The following PEAK1 variants were observed in gnomAD, a reference collection of about 807,000 sequenced individuals.
PEAK1 encodes pseudopodium enriched atypical kinase 1.
In PEAK1, 54 loss-of-function variants were observed where a neutral mutation model predicts 124.7. The observed-to-expected ratio is 0.43, with a 90% CI of 0.35 to 0.54. PEAK1 has a LOEUF of 0.54. PEAK1 is among the 20% of genes least tolerant of loss of function. The pLI, the probability that PEAK1 is intolerant of heterozygous loss-of-function variation, is 0.01. For synonymous variants in PEAK1, 719 were observed against 760.0 expected (o/e 0.95, Z 0.89); for missense variants, 2,046 against 2,134.5 (o/e 0.96, Z 0.82).
At chr15:77,408,491 C>G (rs1378666418) in intron 1 of PEAK1, among the ~76,000 whole-genome samples, 1 of 151,830 alleles carries the variant, frequency 6.6e-6, no homozygotes, top group African/African-American at 2.4e-5. Context: ...AAGAACTTAT[C>G]TGTGTAACCA....
chr15:77,167,743 TC>T (rs1349094139), intron 7 of PEAK1, among the ~76,000 whole-genome samples: 2 of 152,114 alleles, frequency 1.3e-5, no homozygotes, highest in Non-Finnish European at 2.9e-5. Flanking sequence ...AAATTTTTTT[TC>T]TTTTTCATTA....
At chr15:77,147,474 A>G (rs1364165151) in intron 8 of PEAK1, among the ~76,000 whole-genome samples, 1 of 152,234 alleles carries the variant, frequency 6.6e-6, no homozygotes, top group Non-Finnish European at 1.5e-5. Context: ...CTATCTCATT[A>G]CATGCTCCTG....
chr15:77,296,691 GAAATA>G (rs1208413539), intron 2 of PEAK1, among the ~76,000 whole-genome samples: 6 of 151,418 alleles, frequency 4.0e-5, no homozygotes, highest in Non-Finnish European at 7.4e-5. Context: ...TCTGAAAATT[GAAATA>G]AAATAAAATA....
intron 6 of PEAK1, among the ~76,000 whole-genome samples, chr15:77,207,137 C>T (rs1033455073): frequency 5.3e-5 from 8 of 152,104 alleles, no homozygotes; most frequent in African/African-American, 1.4e-4. Flanking sequence ...AAGACTTAAA[C>T]GTTAGATCTA....
At chr15:77,388,929 C>T (rs1189146534) in intron 1 of PEAK1, among the ~76,000 whole-genome samples, 1 of 150,348 alleles carries the variant, frequency 6.7e-6, no homozygotes, top group African/African-American at 2.4e-5. Flanking sequence ...TTCTTCATAC[C>T]TTCTTTCTGC....
intron 5 of PEAK1, among the ~76,000 whole-genome samples, chr15:77,256,917 C>T (rs940217361): frequency 2.7e-5 from 4 of 150,538 alleles, no homozygotes; most frequent in Non-Finnish European, 3.0e-5. Flanking sequence ...TGATGTTCCC[C>T]TTCCTGTGTC....
chr15:77,250,214 T>C (rs1451795766), intron 6 of PEAK1, among the ~76,000 whole-genome samples: 1 of 134,568 alleles, frequency 7.4e-6, no homozygotes, highest in Non-Finnish European at 1.5e-5. Context: ...TATATATGTA[T>C]ATATATACAC....
chr15:77,248,845 G>A (rs976613161), intron 6 of PEAK1, among the ~76,000 whole-genome samples: 1 of 151,890 alleles, frequency 6.6e-6, no homozygotes, highest in Non-Finnish European at 1.5e-5. Flanking sequence ...TTATTTTTGA[G>A]ATGGAGTCTC....
intron 1 of PEAK1, among the ~76,000 whole-genome samples, chr15:77,377,334 T>C (rs1382600932): frequency 6.6e-6 from 1 of 152,170 alleles, no homozygotes; most frequent in Non-Finnish European, 1.5e-5. Context: ...CAGTGGGCAG[T>C]GATTGAGCCA....
At chr15:77,412,128 A>C (rs1212310537) in intron 1 of PEAK1, among the ~76,000 whole-genome samples, 2 of 151,956 alleles carry the variant, frequency 1.3e-5, no homozygotes, top group Non-Finnish European at 2.9e-5. Context: ...GCTCCTCCTT[A>C]TCTCTCTGAC....
At chr15:77,402,329 G>C (rs1010514215) in intron 1 of PEAK1, 1 of 985,164 alleles carries the variant, frequency 1.0e-6, no homozygotes, top group African/African-American at 1.7e-5. Flanking sequence ...AGGAGATCAA[G>C]GGAATAAATC....
intron 1 of PEAK1, among the ~76,000 whole-genome samples, chr15:77,392,996 T>C (rs2070604128): frequency 6.6e-6 from 1 of 152,118 alleles, no homozygotes; most frequent in Non-Finnish European, 1.5e-5. Context: ...GGACTTTCCA[T>C]TGGACCTCAG....
At chr15:77,417,089 C>G (rs912746935) in intron 1 of PEAK1, among the ~76,000 whole-genome samples, 1 of 152,000 alleles carries the variant, frequency 6.6e-6, no homozygotes, top group African/African-American at 2.4e-5. Context: ...ATTCTAGACA[C>G]CCTCCACCCA....
chr15:77,317,600 C>T (rs1745896873), intron 2 of PEAK1, among the ~76,000 whole-genome samples: 1 of 152,122 alleles, frequency 6.6e-6, no homozygotes, highest in Non-Finnish European at 1.5e-5. Context: ...GTTCCCAGAG[C>T]TGGTTAAAAA....
chr15:77,401,856 T>C, intron 1 of PEAK1: 1 of 985,134 alleles, frequency 1.0e-6, no homozygotes, highest in Non-Finnish European at 1.2e-6. Context: ...CTTTATTATA[T>C]TTTCTATGCT....
chr15:77,144,799 C>T (rs1252858430), intron 8 of PEAK1, among the ~76,000 whole-genome samples: 1 of 152,182 alleles, frequency 6.6e-6, no homozygotes, highest in Admixed American at 6.5e-5. Flanking sequence ...TAGTTTTTTT[C>T]CTCCAAGAAA....
chr15:77,370,726 T>C (rs1444606814), intron 1 of PEAK1: 3 of 985,012 alleles, frequency 3.0e-6, no homozygotes, highest in African/African-American at 1.7e-5. Flanking sequence ...ATAACTTTTG[T>C]GAACATAAAA....
At chr15:77,265,818 G>A (rs905215560) in intron 5 of PEAK1, among the ~76,000 whole-genome samples, 1 of 152,004 alleles carries the variant, frequency 6.6e-6, no homozygotes, top group Non-Finnish European at 1.5e-5. Context: ...TATGTTTATT[G>A]TGGCACTATT....
intron 2 of PEAK1, among the ~76,000 whole-genome samples, chr15:77,329,293 C>T (rs747501096): frequency 6.6e-6 from 1 of 152,136 alleles, no homozygotes; most frequent in Non-Finnish European, 1.5e-5. Context: ...TATTTTCTAA[C>T]TAATATTACA....
Sources: gnomAD v4.1 joint callset for allele counts (sites outside exome capture counted in the v4.1 genomes callset) on GRCh38, gnomAD v4.1.1 for gene constraint, MANE v1.5 for transcripts, NCBI Gene and HGNC (gene_info 2026-07-23, HGNC 2026-07-21) for gene names.